The following JAKMIP1 variants were observed in gnomAD, a reference collection of about 807,000 sequenced individuals.
The protein encoded by JAKMIP1 is janus kinase and microtubule interacting protein 1.
JAKMIP1 carries 33 observed loss-of-function variants against 113.0 expected under a neutral mutation model. The observed-to-expected ratio is 0.29, with a 90% CI of 0.22 to 0.39. JAKMIP1 has a LOEUF of 0.39. JAKMIP1 is among the 10% of genes least tolerant of loss of function. JAKMIP1 has a pLI of 1.00. For missense variants in JAKMIP1, 813 were observed against 1,080.5 expected, an observed-to-expected ratio of 0.75 and a Z score of 3.47; for synonymous variants, 480 against 459.9, an observed-to-expected ratio of 1.04 and a Z score of -0.56.
At chr4:6,039,582 A>G (rs1468832845) in intron 18 of JAKMIP1, among the ~76,000 whole-genome samples, 3 of 152,196 alleles carry the variant, frequency 2.0e-5, no homozygotes, top group African/African-American at 7.2e-5. Context: ...GAATGTCTCC[A>G]TTCGTTAGTT....
At chr4:6,109,554 C>T (rs1358142597) in intron 2 of JAKMIP1, among the ~76,000 whole-genome samples, 1 of 151,890 alleles carries the variant, frequency 6.6e-6, no homozygotes, top group Non-Finnish European at 1.5e-5. Context: ...ATGGAATGTG[C>T]CCAGGGCTGC....
chr4:6,068,274 C>T (rs1444353508), intron 8 of JAKMIP1, among the ~76,000 whole-genome samples: 1 of 152,170 alleles, frequency 6.6e-6, no homozygotes, highest in Non-Finnish European at 1.5e-5. Context: ...AGTAGAGCAA[C>T]CTTAGCAAAC....
In JAKMIP1 at chr4:6,140,626, T is replaced by C. The variant is rs1484579273; in HGVS notation, c.-147-27629A>G. Among the ~76,000 whole-genome samples the C allele has an allele frequency of 6.6e-6, 1 of 152,032 alleles. No individual in the cohort carries two copies. The highest frequency in any genetic ancestry group is 2.4e-5 in the African/African-American group (1 of 41,350). On this transcript the variant is annotated intron_variant, in intron 1 of 20. Transcript: ENST00000409021. The surrounding 1 kb of genome is among the most constrained non-coding windows in gnomAD (Gnocchi z 9.4). ...CACTGCTCCTGGAGGGGTGGAGAAA[T>C]ACATGATTTTGTTTATCTCCTTTTG...
intron 16 of JAKMIP1, among the ~76,000 whole-genome samples, chr4:6,046,787 C>T (rs1578081830): frequency 6.6e-6 from 1 of 152,128 alleles, no homozygotes; most frequent in Non-Finnish European, 1.5e-5. Flanking sequence ...TGCTGTGGGT[C>T]GGGCGTGGGG....
chr4:6,107,756 GGT>G (rs35430633), intron 2 of JAKMIP1, among the ~76,000 whole-genome samples: 8 of 148,864 alleles, frequency 5.4e-5, no homozygotes, highest in African/African-American at 1.8e-4. Flanking sequence ...CTCTGTGGGG[GGT>G]GTGTGTGTGT....
rs1578543126 is a variant in JAKMIP1 at position 6,199,929 on chromosome 4, T to G, written c.-148+324A>C. Among the ~76,000 whole-genome samples the G allele has an allele frequency of 1.1e-5, 1 of 87,322 alleles. No individual in the cohort carries two copies. Among genetic ancestry groups the G allele is most frequent in the Non-Finnish European group, 2.4e-5 (1 of 41,758 alleles). The allele number at this position is 87,322 out of a possible 152,430, so 57.3% of individuals were successfully genotyped here. ...ATCCGGAGAAGAGTGGAAATAGGGG[T>G]GGCGTGAAGGAGAGCTGGGGGCTGG... On this transcript the variant is annotated intron_variant, in intron 1 of 20. Transcript: ENST00000409021. This position sits in a 1 kb window ranked among gnomAD's most constrained non-coding sequence, Gnocchi z 5.6.
chr4:6,049,119 C>T lies in JAKMIP1; in HGVS notation c.1963-197G>A, dbSNP rs1298564836. ...CTCGGCTCACTGTAACCTCTGCCTC[C>T]TGGGTTCAAGTGATTCTCTTGCCTC... On this transcript the variant is annotated intron_variant, in intron 15 of 20. Transcript: ENST00000409021. The surrounding 1 kb of genome is among the most constrained non-coding windows in gnomAD (Gnocchi z 7.0). 6.6e-6 allele frequency among the ~76,000 whole-genome samples: 1 copy of T among 151,212 alleles called. No individual in the cohort carries two copies. Among genetic ancestry groups the T allele is most frequent in the Non-Finnish European group, 1.5e-5 (1 of 67,732 alleles).
chr4:6,127,846 A>G (rs1717928272), intron 1 of JAKMIP1, among the ~76,000 whole-genome samples: 1 of 152,224 alleles, frequency 6.6e-6, no homozygotes, highest in South Asian at 2.1e-4. Flanking sequence ...AGAAGCAAAC[A>G]AAAACTGACG....
Position 6,042,186 on chromosome 4 carries a change from C to T in JAKMIP1, c.2070G>A (p.Gln690=), listed in dbSNP as rs763527883. ...TCTCCTTCTCCAGGTCCAGCATCTT[C>T]TGGGTCAGGGCGGCCTCGGTCCCCT... ...QIEGTEAALT[Q]KMLDLEKEKD... The change falls in exon 17 of 21, where the codon CAG becomes CAA. Residue 690 remains glutamine, a synonymous_variant. Transcript: ENST00000409021. This position sits in a 1 kb window ranked among gnomAD's most constrained non-coding sequence, Gnocchi z 5.2. 2 of 1,613,946 alleles carry T rather than the reference C, an allele frequency of 1.2e-6. No individual in the cohort carries two copies. The highest frequency in any genetic ancestry group is 1.3e-5 in the African/African-American group (1 of 75,044).
At chr4:6,087,899 C>T (rs1212022245) in intron 3 of JAKMIP1, among the ~76,000 whole-genome samples, 1 of 152,106 alleles carries the variant, frequency 6.6e-6, no homozygotes, top group African/African-American at 2.4e-5. Flanking sequence ...GGTGATGATC[C>T]ACCAGCATCT....
At chr4:6,035,667 T>G (rs1713320757) in intron 19 of JAKMIP1, among the ~76,000 whole-genome samples, 1 of 152,214 alleles carries the variant, frequency 6.6e-6, no homozygotes. Flanking sequence ...GAAGGCACTT[T>G]GGTTTGGATG....
intron 1 of JAKMIP1, among the ~76,000 whole-genome samples, chr4:6,121,591 C>T (rs1716716108): frequency 6.6e-6 from 1 of 152,258 alleles, no homozygotes; most frequent in Admixed American, 6.5e-5. Context: ...GACGTGCAGG[C>T]TGCCCCCGGA....
Position 6,178,140 on chromosome 4 carries a change from C to T in JAKMIP1, c.-148+22113G>A, listed in dbSNP as rs1478539849. Among the ~76,000 whole-genome samples, 1 of 152,212 alleles carries T rather than the reference C, an allele frequency of 6.6e-6. No homozygotes were observed. The highest frequency in any genetic ancestry group is 1.9e-4 in the East Asian group (1 of 5,196). On this transcript the variant is annotated intron_variant, in intron 1 of 20. Transcript: ENST00000409021. This position sits in a 1 kb window ranked among gnomAD's most constrained non-coding sequence, Gnocchi z 5.5. ...AGGGGAGGGATAGGAAAGAAGGAAA[C>T]AGAAGCCCAAGGCTTTGATATATTT...
At chr4:6,172,547 G>C (rs999578210) in intron 1 of JAKMIP1, among the ~76,000 whole-genome samples, 1 of 151,902 alleles carries the variant, frequency 6.6e-6, no homozygotes, top group Non-Finnish European at 1.5e-5. Context: ...CCCAACTTTA[G>C]GTAGCTCACG....
At chr4:6,145,709 G>T (rs1430518065) in intron 1 of JAKMIP1, among the ~76,000 whole-genome samples, 1 of 152,136 alleles carries the variant, frequency 6.6e-6, no homozygotes, top group Non-Finnish European at 1.5e-5. Flanking sequence ...TTTCCTTGCA[G>T]TTCTGGAGGC....
rs1715816613 is a variant in JAKMIP1 at position 6,116,559 on chromosome 4, C to T, written c.-147-3562G>A. ...ATATAGGCCAAGGTTGGCAAATATTCATCTCCCGCAAACCAGTCCTGTTGG... is the reference window on the plus strand; with the variant it reads ...ATATAGGCCAAGGTTGGCAAATATTTATCTCCCGCAAACCAGTCCTGTTGG... On this transcript the variant is annotated intron_variant, in intron 1 of 20. Coordinates refer to ENST00000409021, the MANE Select transcript of JAKMIP1 (RefSeq NM_001099433.2). The surrounding 1 kb of genome is among the most constrained non-coding windows in gnomAD (Gnocchi z 5.1). Among the ~76,000 whole-genome samples the T allele has an allele frequency of 6.6e-6, 1 of 152,194 alleles. No homozygotes were observed. The highest frequency in any genetic ancestry group is 1.5e-5 in the Non-Finnish European group (1 of 68,030).
Position 6,143,288 on chromosome 4 carries a change from G to T in JAKMIP1, c.-147-30291C>A, listed in dbSNP as rs1302638484. ...ATACATTCTAAAAGCTTTATGAACAGACTTGGGGGCTTCCTGACTTCCTGT... is the reference window on the plus strand; with the variant it reads ...ATACATTCTAAAAGCTTTATGAACATACTTGGGGGCTTCCTGACTTCCTGT... On this transcript the variant is annotated intron_variant, in intron 1 of 20. Coordinates refer to ENST00000409021, the MANE Select transcript of JAKMIP1 (RefSeq NM_001099433.2). The surrounding 1 kb of genome is among the most constrained non-coding windows in gnomAD (Gnocchi z 4.9). 2.6e-5 allele frequency among the ~76,000 whole-genome samples: 4 copies of T among 152,176 alleles called. No individual in the cohort carries two copies. Among genetic ancestry groups the T allele is most frequent in the Non-Finnish European group, 5.9e-5 (4 of 68,036 alleles).
In JAKMIP1 at chr4:6,192,957, C is replaced by T. The variant is rs1727432597; in HGVS notation, c.-148+7296G>A. Among the ~76,000 whole-genome samples the T allele has an allele frequency of 6.6e-6, 1 of 152,116 alleles. No homozygotes were observed. The highest frequency in any genetic ancestry group is 1.5e-5 in the Non-Finnish European group (1 of 68,026). On this transcript the variant is annotated intron_variant, in intron 1 of 20. Transcript: ENST00000409021. This position sits in a 1 kb window ranked among gnomAD's most constrained non-coding sequence, Gnocchi z 5.0. ...TGCAAAGTATTGTTCCTGGGTGTGTCTGTGAGGGTGTTCCCAAAAGAGATT... is the reference window on the plus strand; with the variant it reads ...TGCAAAGTATTGTTCCTGGGTGTGTTTGTGAGGGTGTTCCCAAAAGAGATT...
intron 1 of JAKMIP1, among the ~76,000 whole-genome samples, chr4:6,113,996 G>T (rs978817305): frequency 6.6e-6 from 1 of 152,226 alleles, no homozygotes; most frequent in Non-Finnish European, 1.5e-5. Context: ...GGCCTGTGAC[G>T]GGAGCTGGGA....
Sources: gnomAD v4.1 joint callset for allele counts (sites outside exome capture counted in the v4.1 genomes callset) on GRCh38, gnomAD v4.1.1 for gene constraint, Gnocchi (gnomAD v3.1) non-coding constraint, MANE v1.5 for transcripts, NCBI Gene and HGNC (gene_info 2026-07-23, HGNC 2026-07-21) for gene names.